Variants in SPIDR observed in about 807,000 individuals in gnomAD.
SPIDR encodes the protein scaffold protein involved in DNA repair, also known as DNA repair-scaffolding protein.
Under a neutral mutation model 104.6 loss-of-function variants are expected in SPIDR, and 93 were observed. That is an observed-to-expected ratio of 0.89 (90% confidence interval 0.75 to 1.06). The LOEUF is 1.06. SPIDR is among the 50% of genes least tolerant of loss of function. SPIDR has a pLI of 0.00. For synonymous variants in SPIDR, 431 were observed against 416.9 expected, an observed-to-expected ratio of 1.03 and a Z score of -0.41; for missense variants, 1,154 against 1,111.2, an observed-to-expected ratio of 1.04 and a Z score of -0.55.
At chr8:47,434,006 A>G (rs2067826261) in intron 7 of SPIDR, among the ~76,000 whole-genome samples, 1 of 152,246 alleles carries the variant, frequency 6.6e-6, no homozygotes, top group Non-Finnish European at 1.5e-5. Flanking sequence ...AAACTTCACA[A>G]GTAACTAACA....
At chr8:47,490,511 A>T (rs773824839) in intron 8 of SPIDR, among the ~76,000 whole-genome samples, 2 of 152,230 alleles carry the variant, frequency 1.3e-5, no homozygotes, top group Non-Finnish European at 1.5e-5. Context: ...TACCGAAAGG[A>T]TTATGAATCA....
At chr8:47,614,063 C>A (rs1185717685) in intron 10 of SPIDR, among the ~76,000 whole-genome samples, 1 of 152,030 alleles carries the variant, frequency 6.6e-6, no homozygotes, top group Non-Finnish European at 1.5e-5. Context: ...TTGTTCCCTT[C>A]CCTGTGTCCA....
At chr8:47,283,056 A>G (rs986593971) in intron 2 of SPIDR, among the ~76,000 whole-genome samples, 2 of 152,084 alleles carry the variant, frequency 1.3e-5, no homozygotes, top group Non-Finnish European at 2.9e-5. Context: ...GGGTTTCACC[A>G]TGTGGGTCAG....
chr8:47,266,974 T>C (rs1453498338), intron 1 of SPIDR, among the ~76,000 whole-genome samples: 2 of 152,238 alleles, frequency 1.3e-5, no homozygotes, highest in African/African-American at 4.8e-5. Context: ...GGACATTTCA[T>C]ATAAAGTGTG....
At chr8:47,509,053 A>G (rs553510271) in intron 8 of SPIDR, among the ~76,000 whole-genome samples, 1 of 152,106 alleles carries the variant, frequency 6.6e-6, no homozygotes, top group Non-Finnish European at 1.5e-5. Flanking sequence ...GTCGTGCTGG[A>G]TCCCTCTAGG....
At chr8:47,343,752 GTCCTTCCCTTTCTCAGGATGT>G (rs2051256285) in intron 5 of SPIDR, among the ~76,000 whole-genome samples, 1 of 152,144 alleles carries the variant, frequency 6.6e-6, no homozygotes, top group African/African-American at 2.4e-5. Flanking sequence ...TCTCCTGCCA[GTCCTTCCCTTTCTCAGGATGT>G]TTCATTCCCA....
At chr8:47,338,836 G>C (rs1332670514) in intron 5 of SPIDR, among the ~76,000 whole-genome samples, 18 of 152,190 alleles carry the variant, frequency 1.2e-4, no homozygotes, top group Admixed American at 1.2e-3. Flanking sequence ...GGGTAGTCCT[G>C]CTCAAATTTA....
chr8:47,514,109 A>G (rs1158545495), intron 8 of SPIDR, among the ~76,000 whole-genome samples: 1 of 152,220 alleles, frequency 6.6e-6, no homozygotes, highest in Non-Finnish European at 1.5e-5. Context: ...ATAACAATTT[A>G]AGTATTAGCT....
intron 8 of SPIDR, among the ~76,000 whole-genome samples, chr8:47,441,514 A>T (rs891925290): frequency 4.7e-5 from 7 of 147,906 alleles, no homozygotes; most frequent in Non-Finnish European, 1.0e-4. Flanking sequence ...ATAAATGATT[A>T]AAAAAAAAAG....
chr8:47,515,958 C>A (rs2083068860), intron 8 of SPIDR, among the ~76,000 whole-genome samples: 1 of 152,168 alleles, frequency 6.6e-6, no homozygotes, highest in South Asian at 2.1e-4. Context: ...TACAGGCGCT[C>A]ACCACCACAC....
intron 5 of SPIDR, among the ~76,000 whole-genome samples, chr8:47,302,665 T>A (rs957752240): frequency 1.3e-5 from 2 of 152,240 alleles, no homozygotes; most frequent in African/African-American, 2.4e-5. Context: ...CTTCTAACAG[T>A]CAGGACCCTC....
chr8:47,473,676 A>G (rs1205678528), intron 8 of SPIDR, among the ~76,000 whole-genome samples: 1 of 152,088 alleles, frequency 6.6e-6, no homozygotes, highest in African/African-American at 2.4e-5. Context: ...TTTCTACACT[A>G]TGAGCTTCTG....
At chr8:47,732,400 C>T (rs1288441922) in intron 19 of SPIDR, among the ~76,000 whole-genome samples, 1 of 152,216 alleles carries the variant, frequency 6.6e-6, no homozygotes, top group African/African-American at 2.4e-5. Flanking sequence ...ATATGCTGGA[C>T]ACATGCGTAC....
Position 47,735,340 on chromosome 8 carries a change from G to A in SPIDR, c.2638G>A (p.Val880Met). 1 of 1,613,824 alleles carries A rather than the reference G, an allele frequency of 6.2e-7. No homozygotes were observed. The highest frequency in any genetic ancestry group is 8.5e-7 in the Non-Finnish European group (1 of 1,179,840). Residue 880 changes from valine to methionine, a missense_variant, in exon 20 of 20, where the codon GTG becomes ATG. By Grantham distance (21) the Val-to-Met change is conservative. Coordinates refer to ENST00000297423, the MANE Select transcript of SPIDR (RefSeq NM_001080394.4). ...AGTGAAGAGTGTCCTCGGAAAGGAA[G>A]TGGGGTTGTTAAATTGTTTTGTCCA... ...YEVKSVLGKE[V>M]GLLNCFVQSV... is the part of the protein sequence containing the mutation.
Position 47,570,889 on chromosome 8 carries a change from G to A in SPIDR, c.1098-24922G>A, listed in dbSNP as rs927610121. On this transcript the variant is annotated intron_variant, in intron 8 of 19. Transcript: ENST00000297423. ...GGGCGGATCACAAGGTCAGGAGTTC[G>A]AAACCAGCCTGGCCAATATGGTGAA... is the stretch of plus-strand genomic sequence containing the variant. Among the ~76,000 whole-genome samples, 5 of 152,086 alleles carry A rather than the reference G, an allele frequency of 3.3e-5. No homozygotes were observed. The South Asian group carries it at 8.3e-4, about 25-fold the overall frequency.
At chr8:47,682,234 C>A (rs1478023119) in intron 11 of SPIDR, among the ~76,000 whole-genome samples, 1 of 97,636 alleles carries the variant, frequency 1.0e-5, no homozygotes, top group Non-Finnish European at 2.0e-5. Context: ...GGAAGGACCT[C>A]AAAAACATGA....
Position 47,727,286 on chromosome 8 carries a change from G to A in SPIDR, c.2428G>A (p.Glu810Lys), listed in dbSNP as rs769336640. 1.9e-6 allele frequency: 3 copies of A among 1,613,950 alleles called. No individual in the cohort carries two copies. The highest frequency in any genetic ancestry group is 2.5e-6 in the Non-Finnish European group (3 of 1,179,974). ...CAACGGGAGATTGGAACAGAGGCCGGAAGACAGGTAAGGGGACAGGAGCTG... is the reference window on the plus strand; with the variant it reads ...CAACGGGAGATTGGAACAGAGGCCGAAAGACAGGTAAGGGGACAGGAGCTG... ...CGNGRLEQRP[E>K]DRGAFSCGDC... Residue 810 changes from glutamate (E) to lysine (K), a missense_variant, in exon 17 of 20, where the codon GAA becomes AAA. By Grantham distance (56) the Glu-to-Lys change is moderately conservative (BLOSUM62 1). Coordinates refer to ENST00000297423, the MANE Select transcript of SPIDR (RefSeq NM_001080394.4).
chr8:47,597,647 T>TA (rs1327175380), intron 9 of SPIDR, among the ~76,000 whole-genome samples: 2 of 152,252 alleles, frequency 1.3e-5, no homozygotes, highest in Non-Finnish European at 2.9e-5. Context: ...TTTATTTATT[T>TA]AAAAAATCAT....
At chr8:47,524,542 G>T (rs1010879332) in intron 8 of SPIDR, among the ~76,000 whole-genome samples, 1 of 152,192 alleles carries the variant, frequency 6.6e-6, no homozygotes, top group Admixed American at 6.5e-5. Flanking sequence ...ATTTGCGTGT[G>T]TCCCTCCTCA....
Sources: gnomAD v4.1 joint callset for allele counts (sites outside exome capture counted in the v4.1 genomes callset) on GRCh38, gnomAD v4.1.1 for gene constraint, MANE v1.5 for transcripts, NCBI Gene and HGNC (gene_info 2026-07-23, HGNC 2026-07-21) for gene names.